The following FRY variants were observed in gnomAD, a reference collection of about 807,000 sequenced individuals.
The protein encoded by FRY is protein furry homolog.
Under a neutral mutation model 348.4 loss-of-function variants are expected in FRY, and 128 were observed. The ratio of observed to expected loss-of-function variants is 0.37; its 90% CI spans 0.32 to 0.43. The LOEUF is 0.43. Ranked by LOEUF, FRY falls within the 20% of genes least tolerant of loss-of-function variation. The pLI, the probability that FRY is intolerant of heterozygous loss-of-function variation, is 1.00. For missense variants in FRY, 2,736 were observed against 3,695.2 expected, an observed-to-expected ratio of 0.74 and a Z score of 6.73; for synonymous variants, 1,370 against 1,374.7, an observed-to-expected ratio of 1.00 and a Z score of 0.08.
Position 32,225,904 on chromosome 13 carries a change from G to C in FRY, c.5136G>C (p.Gln1712His). The C allele has an allele frequency of 6.2e-7, 1 of 1,614,156 alleles. No individual in the cohort carries two copies. The highest frequency in any genetic ancestry group is 8.5e-7 in the Non-Finnish European group (1 of 1,179,996). The stretch of plus-strand genomic sequence containing the variant: ...ATTCCATTGCTTCCGTGCTCCTGCA[G>C]ACCCGAGAGATGGGTGAAGCTAAGA... Reference protein sequence around the residue: ...NFHSIASVLLQTREMGEAKTL... With the variant: ...NFHSIASVLLHTREMGEAKTL... Residue 1712 changes from glutamine to histidine, a missense_variant, in exon 39 of 61, where the codon CAG becomes CAC. Physicochemically the swap from Gln to His is conservative, Grantham distance 24 (BLOSUM62 0). This residue lies in a region of FRY where 794 missense variants were observed against 977.0 expected (regional missense o/e 0.81). Coordinates refer to ENST00000542859, the MANE Select transcript of FRY (RefSeq NM_023037.3).
intron 42 of FRY, 88 bp downstream of exon 42, chr13:32,234,849 A>G: frequency 2.8e-6 from 3 of 1,070,328 alleles, no homozygotes; most frequent in South Asian, 2.6e-5. Context: ...TTCTTCTGTC[A>G]ACAATTATTC....
chr13:32,174,580 C>T (rs781124037), intron 19 of FRY, among the ~76,000 whole-genome samples: 7 of 152,098 alleles, frequency 4.6e-5, no homozygotes, highest in Admixed American at 6.6e-5. Flanking sequence ...GGTTAACTGC[C>T]TCCTGCAAAA....
In FRY at chr13:32,147,857, CACA is replaced by C; in HGVS notation, c.1306_1308del (p.Thr436del). The C allele has an allele frequency of 6.2e-7, 1 of 1,605,170 alleles. No individual in the cohort carries two copies. The highest frequency in any genetic ancestry group is 8.5e-7 in the Non-Finnish European group (1 of 1,171,792). On this transcript the variant is annotated inframe_deletion, in exon 13 of 61. Coordinates refer to ENST00000542859, the MANE Select transcript of FRY (RefSeq NM_023037.3). ...CTTTCAGCCGACTTATAACCATCAT[CACA>C]ACACTTTTCCCCAAAGGGTCCCGCG...
chr13:32,262,227 C>A, intron 52 of FRY, 87 bp from the exon 53 acceptor site: 1 of 1,025,484 alleles, frequency 9.8e-7, no homozygotes, highest in Non-Finnish European at 1.5e-6. Context: ...AAAATTAAGA[C>A]GTATTAACCA....
intron 18 of FRY, among the ~76,000 whole-genome samples, chr13:32,171,603 T>G (rs1241267943): frequency 1.3e-5 from 2 of 152,150 alleles, no homozygotes; most frequent in Admixed American, 1.3e-4. Flanking sequence ...TGAGCCACCA[T>G]GCCCGGCTGA....
intron 31 of FRY, among the ~76,000 whole-genome samples, chr13:32,204,808 T>C (rs1425811267): frequency 6.6e-6 from 1 of 152,232 alleles, no homozygotes; most frequent in Non-Finnish European, 1.5e-5. Context: ...CACCCAAGAT[T>C]TGTTTGCTGC....
At chr13:32,293,242 T>C (rs1182773468) in intron 59 of FRY, among the ~76,000 whole-genome samples, 3 of 152,222 alleles carry the variant, frequency 2.0e-5, no homozygotes, top group African/African-American at 7.2e-5. Flanking sequence ...ACATAATGTT[T>C]AAAACTTATC....
At position 32,184,589 on chromosome 13, in the gene FRY, T is replaced by C. The variant is rs748089166; in HGVS notation, c.3055-11T>C. 3 of 1,584,532 alleles carry C rather than the reference T, an allele frequency of 1.9e-6. No individual in the cohort carries two copies. The highest frequency in any genetic ancestry group is 2.7e-5 in the African/African-American group (2 of 74,348). Reference sequence around the variant, plus strand: ...CTGTGTCTGTAAGTGATACTACCTCTTTCTACACAGAACAAGAAACGCCGA... The same window carrying C: ...CTGTGTCTGTAAGTGATACTACCTCCTTCTACACAGAACAAGAAACGCCGA... On this transcript the variant is annotated splice_polypyrimidine_tract_variant and intron_variant, in intron 24 of 60. Coordinates refer to ENST00000542859, the MANE Select transcript of FRY (RefSeq NM_023037.3).
At chr13:32,065,362 G>A (rs1330875898) in intron 1 of FRY, among the ~76,000 whole-genome samples, 2 of 151,824 alleles carry the variant, frequency 1.3e-5, no homozygotes, top group East Asian at 3.9e-4. Context: ...CTGGAGTGCA[G>A]TGGCACAATC....
chr13:32,117,535 C>A, intron 4 of FRY, 62 bp downstream of exon 4: 1 of 1,563,924 alleles, frequency 6.4e-7, no homozygotes, highest in Non-Finnish European at 8.8e-7. Flanking sequence ...AAACATAAAT[C>A]AAAATTAGAG....
At chr13:32,226,060 C>A in intron 39 of FRY, 86 bp downstream of exon 39, 1 of 1,142,146 alleles carries the variant, frequency 8.8e-7, no homozygotes, top group Non-Finnish European at 1.3e-6. Flanking sequence ...CCCAAGTTAA[C>A]TTCTCTCATG....
Position 32,032,118 on chromosome 13 carries a change from A to G in FRY, c.70+253A>G, listed in dbSNP as rs149869515. 3.3e-3 allele frequency among the ~76,000 whole-genome samples: 500 copies of G among 152,038 alleles called. 3 individuals are homozygous for G. Among genetic ancestry groups the G allele is most frequent in the African/African-American group, 0.012 (477 of 41,424 alleles). On this transcript the variant is annotated intron_variant, in intron 1 of 60. Coordinates refer to ENST00000542859, the MANE Select transcript of FRY (RefSeq NM_023037.3). ...AGCTTTCCTTAAGTGCAAAGGCTGCAATGGAATTACAGTAGATTGTGTTTG... is the reference window on the plus strand; with the variant it reads ...AGCTTTCCTTAAGTGCAAAGGCTGCGATGGAATTACAGTAGATTGTGTTTG...
At chr13:32,084,295 C>T (rs184312594) in intron 2 of FRY, among the ~76,000 whole-genome samples, 2 of 152,312 alleles carry the variant, frequency 1.3e-5, no homozygotes, top group East Asian at 3.9e-4. Context: ...TCTCTAAATA[C>T]AACCCTGTCC....
chr13:32,108,227 A>T (rs757901529), intron 3 of FRY, among the ~76,000 whole-genome samples: 1 of 152,190 alleles, frequency 6.6e-6, no homozygotes, highest in Non-Finnish European at 1.5e-5. Flanking sequence ...GACTTCAGGG[A>T]CAGAAGACAC....
At chr13:32,075,138 T>C (rs1482235840) in intron 1 of FRY, among the ~76,000 whole-genome samples, 1 of 152,252 alleles carries the variant, frequency 6.6e-6, no homozygotes, top group African/African-American at 2.4e-5. Context: ...ATAGATTTAA[T>C]TCTTGAGAGC....
chr13:32,150,794 T>A (rs1880741982), intron 14 of FRY, among the ~76,000 whole-genome samples: 1 of 152,194 alleles, frequency 6.6e-6, no homozygotes, highest in South Asian at 2.1e-4. Context: ...GACTGGCAGC[T>A]TGTTAGTAGC....
At chr13:32,128,232 C>G (rs983791848) in intron 7 of FRY, among the ~76,000 whole-genome samples, 1 of 152,114 alleles carries the variant, frequency 6.6e-6, no homozygotes, top group Non-Finnish European at 1.5e-5. Context: ...CCTCTGAAAT[C>G]CTCTCTAATT....
chr13:32,087,444 C>T lies in FRY; in HGVS notation c.270+8411C>T, dbSNP rs74044401. Among the ~76,000 whole-genome samples the T allele has an allele frequency of 7.1e-3, 1,085 of 152,242 alleles. 17 individuals carry two copies. Among genetic ancestry groups the T allele is most frequent in the African/African-American group, 0.024 (1,016 of 41,544 alleles). ...CTGTTACCCCTAAAGTTAAGTAGGA[C>T]GCTGTGCTGTAATAAGGACACTGGT... On this transcript the variant is annotated intron_variant, in intron 2 of 60. Transcript: ENST00000542859.
intron 4 of FRY, among the ~76,000 whole-genome samples, chr13:32,119,085 G>A (rs1294836053): frequency 6.6e-6 from 1 of 152,184 alleles, no homozygotes; most frequent in Non-Finnish European, 1.5e-5. Context: ...ATCAGAGTAA[G>A]TACTGAGATC....
Sources: gnomAD v4.1 joint callset for allele counts (sites outside exome capture counted in the v4.1 genomes callset) on GRCh38, gnomAD v4.1.1 for gene constraint, gnomAD v4.1.1 regional missense constraint, MANE v1.5 for transcripts, NCBI Gene and HGNC (gene_info 2026-07-23, HGNC 2026-07-21) for gene names.